FAM169A: variants seen among roughly 807,000 people sequenced by gnomAD.
FAM169A encodes the protein family with sequence similarity 169 member A, also known as soluble lamin-associated protein of 75 kDa.
Under a neutral mutation model 75.7 loss-of-function variants are expected in FAM169A, and 24 were observed. The ratio of observed to expected loss-of-function variants is 0.32; its 90% CI spans 0.23 to 0.45. The LOEUF (loss-of-function observed/expected upper bound fraction) is 0.45. FAM169A is among the 20% of genes least tolerant of loss of function. The probability of loss-of-function intolerance (pLI) is 1.00; values close to 1 mark genes in which losing one functional copy is unlikely to be tolerated. For missense variants in FAM169A, 673 were observed against 784.0 expected, an observed-to-expected ratio of 0.86 and a Z score of 1.69; for synonymous variants, 271 against 271.0, an observed-to-expected ratio of 1.00 and a Z score of 0.00.
intron 11 of FAM169A, among the ~76,000 whole-genome samples, chr5:74,790,713 G>A (rs900282290): frequency 6.6e-6 from 1 of 152,180 alleles, no homozygotes; most frequent in African/African-American, 2.4e-5. Context: ...TGGTGGTTAC[G>A]CATGGGCTCA....
chr5:74,803,006 A>T (rs1746667947), intron 8 of FAM169A, among the ~76,000 whole-genome samples: 1 of 152,286 alleles, frequency 6.6e-6, no homozygotes, highest in Non-Finnish European at 1.5e-5. Flanking sequence ...CTACTAACAA[A>T]AAGAGATATA....
chr5:74,781,927 G>C lies in FAM169A; in HGVS notation c.1546C>G (p.Leu516Val). 1.2e-6 allele frequency: 2 copies of C among 1,613,972 alleles called. No homozygotes were observed. Among genetic ancestry groups the C allele is most frequent in the Non-Finnish European group, 1.7e-6 (2 of 1,179,900 alleles). ...AGATGTGCTTTCTTTCTTGGAAGTA[G>C]GGACAATTTCTCTTCCATGTGCCCC... ...EKGHMEEKLS[L>V]LPRKKAHLGS... The change falls in exon 13 of 13, where the codon CTA (leucine) becomes GTA (valine). Residue 516 changes from leucine to valine, a missense_variant. Around this residue, in one of 3 missense-constraint regions of FAM169A, gnomAD observed 510 missense variants for 550.9 expected, o/e 0.93. Transcript: ENST00000687041.
intron 1 of FAM169A, among the ~76,000 whole-genome samples, chr5:74,843,055 A>G (rs923717460): frequency 7.9e-5 from 12 of 152,150 alleles, no homozygotes; most frequent in African/African-American, 2.9e-4. Context: ...TAACAGTAAG[A>G]AGAAATAAGG....
chr5:74,853,477 G>A (rs1749548455), intron 1 of FAM169A, among the ~76,000 whole-genome samples: 1 of 152,144 alleles, frequency 6.6e-6, no homozygotes, highest in Non-Finnish European at 1.5e-5. Context: ...GCCAAGTCCA[G>A]CTCTGAGCCT....
At chr5:74,856,160 T>C (rs1027133637) in intron 1 of FAM169A, among the ~76,000 whole-genome samples, 1 of 152,246 alleles carries the variant, frequency 6.6e-6, no homozygotes, top group African/African-American at 2.4e-5. Flanking sequence ...TTTACGCTGG[T>C]ACCATGCTGT....
Position 74,840,670 on chromosome 5 carries a change from A to C in FAM169A, c.133-497T>G, listed in dbSNP as rs1043840827. Among the ~76,000 whole-genome samples the C allele has an allele frequency of 6.6e-5, 10 of 152,110 alleles. 1 individual carries two copies. The South Asian group carries it at 1.5e-3, about 22-fold the overall frequency. Reference sequence around the variant, plus strand: ...CAGTGAAACCCCATCTTTACTAAAAATATCAAAAATTAGCCGGGCATGGTG... The same window carrying C: ...CAGTGAAACCCCATCTTTACTAAAACTATCAAAAATTAGCCGGGCATGGTG... On this transcript the variant is annotated intron_variant, in intron 2 of 12. Coordinates refer to ENST00000687041, the MANE Select transcript of FAM169A (RefSeq NM_001376049.1).
chr5:74,791,876 G>A (rs1028814703), intron 11 of FAM169A, among the ~76,000 whole-genome samples: 2 of 152,218 alleles, frequency 1.3e-5, no homozygotes, highest in Non-Finnish European at 1.5e-5. Flanking sequence ...CTTCGACCAC[G>A]TGACCAGCTG....
chr5:74,791,723 C>T (rs1745985215), intron 11 of FAM169A, among the ~76,000 whole-genome samples: 2 of 151,966 alleles, frequency 1.3e-5, no homozygotes, highest in South Asian at 4.2e-4. Flanking sequence ...CCAATCCAGG[C>T]AAGACTACAA....
chr5:74,842,420 C>CAAAAAAAAA (rs56653446), intron 1 of FAM169A, among the ~76,000 whole-genome samples: 1 of 22,476 alleles, frequency 4.4e-5, no homozygotes, highest in Non-Finnish European at 7.7e-5. Flanking sequence ...GACTCTATCA[C>CAAAAAAAAA]AAAAAAAAAA....
upstream of FAM169A, chr5:74,866,793 C>T (rs540480656): frequency 6.8e-5 from 67 of 985,576 alleles, no homozygotes; most frequent in African/African-American, 1.1e-3. Flanking sequence ...AGTTCTCCAG[C>T]CCCGCGTAGG....
intron 11 of FAM169A, among the ~76,000 whole-genome samples, chr5:74,788,198 T>C (rs905154690): frequency 1.3e-5 from 2 of 152,216 alleles, no homozygotes; most frequent in Admixed American, 1.3e-4. Context: ...TCAGGTAATC[T>C]AATGGAGTTT....
In FAM169A at chr5:74,813,890, G is replaced by A. The variant is rs1309014611; in HGVS notation, c.620C>T (p.Thr207Ile). The A allele has an allele frequency of 1.9e-6, 3 of 1,608,270 alleles. No individual in the cohort carries two copies. The highest frequency in any genetic ancestry group is 1.7e-5 in the Admixed American group (1 of 58,048). Residue 207 changes from threonine (T) to isoleucine (I), a missense_variant, in exon 6 of 13, where the codon ACA becomes ATA. Physicochemically the swap from Thr to Ile is moderately conservative, Grantham distance 89 (BLOSUM62 -1). Around this residue, in one of 3 missense-constraint regions of FAM169A, gnomAD observed 510 missense variants for 550.9 expected, o/e 0.93. Transcript: ENST00000687041. ...ATACCGCAAGCCAAGCGCATCTTCT[G>A]TAAAGGAATCAACAAAGTCCTCCAG... Reference protein sequence around the residue: ...HMLEDFVDSFTEDALGLRYPL... With the variant: ...HMLEDFVDSFIEDALGLRYPL...
chr5:74,799,808 G>C (rs1352600378), intron 10 of FAM169A: 3 of 1,083,816 alleles, frequency 2.8e-6, no homozygotes, highest in African/African-American at 1.5e-5. Flanking sequence ...CAATGCTCTT[G>C]AACTACGATG....
intron 12 of FAM169A, 135 bp from the exon 13 acceptor site, chr5:74,782,143 A>G (rs924805634): frequency 5.8e-6 from 4 of 684,648 alleles, no homozygotes; most frequent in Non-Finnish European, 7.2e-6. Flanking sequence ...TATTTTTTTG[A>G]ATTTCTGTTC....
rs549133722 is a variant in FAM169A, at chr5:74,812,017, C to G, written c.670+1823G>C. On this transcript the variant is annotated intron_variant, in intron 6 of 12. Transcript: ENST00000687041. ...CTCATCCCAGGGAAGGGGAGTGAGT[C>G]TAATTGGGTAGAAGTACATAGAAGG... 3.9e-5 allele frequency among the ~76,000 whole-genome samples: 6 copies of G among 152,322 alleles called. 1 individual carries two copies. The South Asian group carries it at 1.2e-3, about 32-fold the overall frequency.
chr5:74,782,050 A>G (rs1561284023), intron 12 of FAM169A, 42 bp from the exon 13 acceptor site: 3 of 1,455,690 alleles, frequency 2.1e-6, no homozygotes, highest in South Asian at 1.3e-5. Flanking sequence ...CTTGTACTAC[A>G]GTTCTAAAAA....
chr5:74,864,138 G>C (rs1443415982), intron 1 of FAM169A, among the ~76,000 whole-genome samples: 1 of 152,198 alleles, frequency 6.6e-6, no homozygotes, highest in African/African-American at 2.4e-5. Flanking sequence ...CAACAAAACA[G>C]AAAATAAATA....
chr5:74,828,442 T>C (rs908851859), intron 5 of FAM169A, among the ~76,000 whole-genome samples: 10 of 152,108 alleles, frequency 6.6e-5, no homozygotes, highest in Non-Finnish European at 1.3e-4. Flanking sequence ...TTTTGTAAAA[T>C]GGGAGAAGGA....
intron 5 of FAM169A, among the ~76,000 whole-genome samples, chr5:74,823,007 G>C (rs566438635): frequency 6.6e-6 from 1 of 152,178 alleles, no homozygotes; most frequent in South Asian, 2.1e-4. Flanking sequence ...CCTAGTTCTG[G>C]TCCTTCATTC....
Sources: gnomAD v4.1 joint callset for allele counts (sites outside exome capture counted in the v4.1 genomes callset) on GRCh38, gnomAD v4.1.1 for gene constraint, gnomAD v4.1.1 regional missense constraint, MANE v1.5 for transcripts, NCBI Gene and HGNC (gene_info 2026-07-23, HGNC 2026-07-21) for gene names.